The following AVL9 variants were observed in gnomAD, a reference collection of about 807,000 sequenced individuals.
The protein encoded by AVL9 is AVL9 cell migration associated.
Under a neutral mutation model 79.2 loss-of-function variants are expected in AVL9, and 49 were observed. The ratio of observed to expected loss-of-function variants is 0.62; its 90% CI spans 0.49 to 0.79. AVL9 has a LOEUF of 0.79. AVL9 is among the 30% of genes least tolerant of loss of function. AVL9 has a pLI of 0.00. For synonymous variants in AVL9, 299 were observed against 280.6 expected (o/e 1.07, Z -0.65); for missense variants, 682 against 776.8 (o/e 0.88, Z 1.45).
Position 32,582,881 on chromosome 7 carries a change from C to T in AVL9, c.1832-911C>T, listed in dbSNP as rs993847280. Among the ~76,000 whole-genome samples, 74 of 152,200 alleles carry T rather than the reference C, an allele frequency of 4.9e-4. 1 individual carries two copies. Among genetic ancestry groups the T allele is most frequent in the African/African-American group, 1.7e-3 (71 of 41,532 alleles). On this transcript the variant is annotated intron_variant, in intron 15 of 15. Transcript: ENST00000318709. ...TCTATTTTTTGTAGAAAGAGGGTTT[C>T]GCCATGTTTCCCAGGCTGTCTCGAA...
At chr7:32,518,102 A>T (rs1396378955) in intron 1 of AVL9, among the ~76,000 whole-genome samples, 2 of 152,172 alleles carry the variant, frequency 1.3e-5, no homozygotes, top group East Asian at 3.9e-4. Flanking sequence ...AAGTGCTAGG[A>T]TTTACACGTG....
chr7:32,525,888 C>A (rs1320690858), intron 1 of AVL9, among the ~76,000 whole-genome samples: 1 of 152,108 alleles, frequency 6.6e-6, no homozygotes, highest in African/African-American at 2.4e-5. Context: ...GGGAAAAACA[C>A]TGGTTTTTGT....
chr7:32,581,052 C>T, intron 15 of AVL9, 162 bp downstream of exon 15: 1 of 558,788 alleles, frequency 1.8e-6, no homozygotes, highest in Non-Finnish European at 3.1e-6. Context: ...TTGAAAAATT[C>T]CAAATTCCAA....
In AVL9 at chr7:32,585,378, G is replaced by A. The variant is rs1023511203; in HGVS notation, c.*1471G>A. 1.3e-5 allele frequency: 2 copies of A among 152,226 alleles called. No individual in the cohort carries two copies. The highest frequency in any genetic ancestry group is 2.9e-5 in the Non-Finnish European group (2 of 68,048). 9.4% of individuals were successfully genotyped at this position (152,226 alleles called of 1,614,324 possible). The stretch of plus-strand genomic sequence containing the variant: ...ATGTTAGGCACATACATGCATGTGT[G>A]TGCCATCTACTGATGATTTGTACAC... On this transcript the variant is annotated 3_prime_UTR_variant, in exon 16 of 16. Transcript: ENST00000318709.
At chr7:32,520,937 T>TGAGTCCCAGAGTCCCAG (rs1788115168) in intron 1 of AVL9, among the ~76,000 whole-genome samples, 1 of 152,170 alleles carries the variant, frequency 6.6e-6, no homozygotes, top group African/African-American at 2.4e-5. Context: ...TCCCATGCTA[T>TGAGTCCCAGAGTCCCAG]TCTCGTGATA....
intron 10 of AVL9, among the ~76,000 whole-genome samples, chr7:32,559,702 T>G (rs7781118): frequency 0.03 from 4,504 of 152,240 alleles, 214 homozygotes; most frequent in African/African-American, 0.1. Context: ...ATGAGTCATA[T>G]GCACAATCAC....
intron 1 of AVL9, among the ~76,000 whole-genome samples, chr7:32,530,144 A>G (rs1788587147): frequency 6.6e-6 from 1 of 152,190 alleles, no homozygotes; most frequent in South Asian, 2.1e-4. Flanking sequence ...TTTTCCACAT[A>G]GTTATACACA....
chr7:32,583,687 T>C (rs1388402214), intron 15 of AVL9, 105 bp from the exon 16 acceptor site: 1 of 744,514 alleles, frequency 1.3e-6, no homozygotes, highest in Non-Finnish European at 2.1e-6. Flanking sequence ...TCAAAAAACA[T>C]TTTTTTAAAT....
intron 10 of AVL9, among the ~76,000 whole-genome samples, chr7:32,566,535 A>T (rs144326099): frequency 1 from 151,594 of 151,594 alleles, 75,797 homozygotes; most frequent in Non-Finnish European, 1. Context: ...AAAATAGTAT[A>T]TAAATACTAA....
chr7:32,574,148 T>C (rs796462564), intron 12 of AVL9, among the ~76,000 whole-genome samples: 7 of 152,350 alleles, frequency 4.6e-5, no homozygotes, highest in African/African-American at 1.7e-4. Flanking sequence ...GAAATACACA[T>C]AGCATAAAAT....
chr7:32,499,124 C>T (rs1288448089), intron 1 of AVL9, among the ~76,000 whole-genome samples: 2 of 151,932 alleles, frequency 1.3e-5, no homozygotes, highest in Non-Finnish European at 2.9e-5. Flanking sequence ...GATCTGCCTA[C>T]TGCACTCCAG....
Position 32,544,684 on chromosome 7 carries a change from T to G in AVL9, c.215-10T>G, listed in dbSNP as rs1789388985. The G allele has an allele frequency of 2.5e-6, 4 of 1,600,248 alleles. No homozygotes were observed. The African/African-American group carries it at 4.0e-5, about 16-fold the overall frequency. On this transcript the variant is annotated splice_polypyrimidine_tract_variant and intron_variant, in intron 2 of 15. Transcript: ENST00000318709. The stretch of plus-strand genomic sequence containing the variant: ...ACCTCACTATTTACATTTTTCTATG[T>G]ATCTCTTAGATACTGTGTTTTTTCA...
chr7:32,562,152 T>C (rs1790358515), intron 10 of AVL9, among the ~76,000 whole-genome samples: 1 of 152,198 alleles, frequency 6.6e-6, no homozygotes, highest in Non-Finnish European at 1.5e-5. Flanking sequence ...GCACAGGCTG[T>C]TGGGAAAATG....
At chr7:32,521,504 G>A (rs1173913448) in intron 1 of AVL9, among the ~76,000 whole-genome samples, 1 of 152,172 alleles carries the variant, frequency 6.6e-6, no homozygotes, top group Non-Finnish European at 1.5e-5. Flanking sequence ...ACTTAAGAAA[G>A]TTGATTTAGG....
intron 1 of AVL9, among the ~76,000 whole-genome samples, chr7:32,496,651 GC>G (rs932456031): frequency 6.6e-5 from 10 of 152,226 alleles, no homozygotes; most frequent in African/African-American, 2.2e-4. Context: ...AAATTGAAAT[GC>G]TTTTTTGAAG....
rs146193129 is a variant in AVL9, at chr7:32,555,967, A to G, written c.609+1371A>G. Among the ~76,000 whole-genome samples, 1,105 of 152,312 alleles carry G rather than the reference A, an allele frequency of 7.3e-3. 16 individuals carry two copies. The highest frequency in any genetic ancestry group is 0.024 in the African/African-American group (990 of 41,570). ...ATTATAAGTGAGTAACTATTAGTTT[A>G]TCTTGTATGTTGTATAGAATTTCAG... On this transcript the variant is annotated intron_variant, in intron 8 of 15. Transcript: ENST00000318709.
At chr7:32,567,881 A>G (rs1228374361) in intron 10 of AVL9, among the ~76,000 whole-genome samples, 1 of 151,514 alleles carries the variant, frequency 6.6e-6, no homozygotes, top group African/African-American at 2.4e-5. Context: ...CCACAGGTCC[A>G]GCTCATTTTT....
intron 1 of AVL9, among the ~76,000 whole-genome samples, chr7:32,521,966 T>G (rs1283153236): frequency 6.6e-6 from 1 of 152,234 alleles, no homozygotes; most frequent in Non-Finnish European, 1.5e-5. Flanking sequence ...TTTGGCAGCG[T>G]CCACATGGTG....
chr7:32,516,996 T>G (rs1787930926), intron 1 of AVL9, among the ~76,000 whole-genome samples: 1 of 152,228 alleles, frequency 6.6e-6, no homozygotes, highest in African/African-American at 2.4e-5. Context: ...TTCTGCCTGC[T>G]TTAAGTCTGC....
Sources: allele counts gnomAD v4.1 joint callset (sites outside exome capture counted in the v4.1 genomes callset), GRCh38; gene constraint gnomAD v4.1.1; transcripts MANE v1.5; gene names NCBI Gene and HGNC (gene_info 2026-07-23, HGNC 2026-07-21).